The following PCDH9 variants were observed in gnomAD, a reference collection of about 807,000 sequenced individuals.
The protein encoded by PCDH9 is protocadherin-9.
In PCDH9, 24 loss-of-function variants were observed where a neutral mutation model predicts 70.6. The observed-to-expected ratio is 0.34, with a 90% CI of 0.25 to 0.48. The LOEUF is 0.48. Among genes scored for constraint, PCDH9 ranks in the 20% least tolerant of loss-of-function variants. The pLI is 0.99. For synonymous variants in PCDH9, 562 were observed against 558.5 expected (o/e 1.01, Z -0.09); for missense variants, 1,281 against 1,503.6 (o/e 0.85, Z 2.45).
intron 4 of PCDH9, among the ~76,000 whole-genome samples, chr13:66,313,346 A>G (rs1593783228): frequency 6.6e-6 from 1 of 152,322 alleles, no homozygotes; most frequent in East Asian, 1.9e-4. Context: ...ATATACTGCT[A>G]TCTCCTGAAT....
At chr13:66,468,919 G>C (rs1002730633) in intron 4 of PCDH9, among the ~76,000 whole-genome samples, 1 of 152,064 alleles carries the variant, frequency 6.6e-6, no homozygotes, top group African/African-American at 2.4e-5. Flanking sequence ...AGGAAATGAG[G>C]TTAGGAAATA....
intron 4 of PCDH9, among the ~76,000 whole-genome samples, chr13:66,584,016 C>G (rs563740994): frequency 6.6e-6 from 1 of 152,144 alleles, no homozygotes; most frequent in Admixed American, 6.6e-5. Context: ...CCAAAACCTA[C>G]GCCTCACAAG....
In PCDH9 at chr13:66,980,730, G is replaced by GTTTTTTTTTTT; in HGVS notation, c.3037-77136_3037-77126dup. Among the ~76,000 whole-genome samples the GTTTTTTTTTTT allele has an allele frequency of 2.7e-3, 190 of 70,882 alleles. 13 individuals carry two copies. The highest frequency in any genetic ancestry group is 0.017 in the Middle Eastern group (1 of 60). The allele number at this position is 70,882 out of a possible 152,430, so 46.5% of individuals were successfully genotyped here. ...TTTGTTTTTTCCTGTTTTTTTCTTT[G>GTTTTTTTTTTT]TTTTTTTTTTTGTTTTTTTTTTTAC... On this transcript the variant is annotated intron_variant, in intron 2 of 4. Coordinates refer to ENST00000377865, the MANE Select transcript of PCDH9 (RefSeq NM_203487.3).
In PCDH9 at chr13:67,133,135, T is replaced by C. The variant is rs117340535; in HGVS notation, c.3036+92270A>G. Among the ~76,000 whole-genome samples, 800 of 152,210 alleles carry C rather than the reference T, an allele frequency of 5.3e-3. 41 individuals are homozygous for C. The East Asian group carries it at 0.13, about 24-fold the overall frequency. On this transcript the variant is annotated intron_variant, in intron 2 of 4. Transcript: ENST00000377865. Reference sequence around the variant, plus strand: ...CTCATACAATCTATGTATCAGCTTTTTGAAGAAGAAAGGCAAAATTTCAAA... The same window carrying C: ...CTCATACAATCTATGTATCAGCTTTCTGAAGAAGAAAGGCAAAATTTCAAA...
chr13:67,198,611 A>G (rs1329714015), intron 2 of PCDH9, among the ~76,000 whole-genome samples: 1 of 151,948 alleles, frequency 6.6e-6, no homozygotes, highest in Non-Finnish European at 1.5e-5. Context: ...CACACATACC[A>G]TAACCTAGGT....
intron 3 of PCDH9, among the ~76,000 whole-genome samples, chr13:66,707,016 A>G (rs2078720394): frequency 6.6e-6 from 1 of 152,174 alleles, no homozygotes; most frequent in African/African-American, 2.4e-5. Flanking sequence ...AGAAGAATAA[A>G]TCAGAATAAG....
At chr13:66,794,476 G>C (rs1252859959) in intron 3 of PCDH9, among the ~76,000 whole-genome samples, 1 of 152,124 alleles carries the variant, frequency 6.6e-6, no homozygotes, top group East Asian at 1.9e-4. Flanking sequence ...TTTTACTTCA[G>C]TGCCAGAAGC....
At chr13:66,426,414 T>C (rs549346429) in intron 4 of PCDH9, among the ~76,000 whole-genome samples, 12 of 150,444 alleles carry the variant, frequency 8.0e-5, no homozygotes, top group Non-Finnish European at 1.8e-4. Context: ...AAATATCCTT[T>C]AGTTTATTGG....
intron 2 of PCDH9, among the ~76,000 whole-genome samples, chr13:67,140,435 C>T (rs905240127): frequency 1.3e-5 from 2 of 152,088 alleles, no homozygotes; most frequent in African/African-American, 4.8e-5. Flanking sequence ...AATCAGAAAA[C>T]CCAAGAGAAT....
chr13:66,844,011 AT>A (rs541794627), intron 3 of PCDH9, among the ~76,000 whole-genome samples: 11 of 151,096 alleles, frequency 7.3e-5, no homozygotes, highest in South Asian at 4.2e-4. Flanking sequence ...TTTCTAATAC[AT>A]TTTTTTTTCA....
intron 3 of PCDH9, among the ~76,000 whole-genome samples, chr13:66,703,575 T>A (rs927568): frequency 0.44 from 66,588 of 151,966 alleles, 14,628 homozygotes; most frequent in South Asian, 0.46. Context: ...TATTCAGATT[T>A]AATGGACAGA....
chr13:67,002,234 T>C (rs180945032), intron 2 of PCDH9, among the ~76,000 whole-genome samples: 2,099 of 152,232 alleles, frequency 0.014, 22 homozygotes, highest in South Asian at 0.025. Context: ...TAATTTGCTA[T>C]GTCAATAACC....
chr13:66,888,754 C>A (rs936697765), intron 3 of PCDH9, among the ~76,000 whole-genome samples: 2 of 152,044 alleles, frequency 1.3e-5, no homozygotes, highest in Non-Finnish European at 2.9e-5. Context: ...AATTTTACTT[C>A]ATTCTTTTAG....
chr13:66,775,599 C>A (rs530303023), intron 3 of PCDH9, among the ~76,000 whole-genome samples: 1 of 152,214 alleles, frequency 6.6e-6, no homozygotes, highest in South Asian at 2.1e-4. Flanking sequence ...TTGTGATGAC[C>A]CACTTCCACT....
intron 2 of PCDH9, among the ~76,000 whole-genome samples, chr13:66,969,295 C>G (rs74093693): frequency 6.6e-6 from 1 of 151,990 alleles, no homozygotes; most frequent in African/African-American, 2.4e-5. Context: ...TCATTTAAGC[C>G]TTTTTGGAAT....
intron 3 of PCDH9, among the ~76,000 whole-genome samples, chr13:66,661,913 A>G (rs1368866156): frequency 6.6e-6 from 1 of 152,210 alleles, no homozygotes; most frequent in Non-Finnish European, 1.5e-5. Context: ...TTACGAAATC[A>G]TCACTCAAGT....
intron 3 of PCDH9, among the ~76,000 whole-genome samples, chr13:66,889,372 TTCTA>T (rs1265184826): frequency 1.3e-5 from 2 of 152,326 alleles, no homozygotes; most frequent in East Asian, 3.9e-4. Flanking sequence ...AGCACGAAAC[TTCTA>T]TCTGTTTCAT....
intron 2 of PCDH9, among the ~76,000 whole-genome samples, chr13:67,114,249 CAT>C (rs1402224010): frequency 6.6e-6 from 1 of 152,030 alleles, no homozygotes; most frequent in East Asian, 1.9e-4. Flanking sequence ...ATCCATGAAA[CAT>C]TAATACCACA....
intron 3 of PCDH9, among the ~76,000 whole-genome samples, chr13:66,751,690 C>T (rs1452137825): frequency 6.6e-6 from 1 of 152,194 alleles, no homozygotes; most frequent in Non-Finnish European, 1.5e-5. Context: ...AAGGTAGCCA[C>T]TTATGTGCCC....
Sources: gnomAD v4.1 joint callset for allele counts (sites outside exome capture counted in the v4.1 genomes callset) on GRCh38, gnomAD v4.1.1 for gene constraint, MANE v1.5 for transcripts, NCBI Gene and HGNC (gene_info 2026-07-23, HGNC 2026-07-21) for gene names.